The following GALNT18 variants were observed in gnomAD, a reference collection of about 807,000 sequenced individuals.
GALNT18 encodes the protein polypeptide N-acetylgalactosaminyltransferase 18.
In GALNT18, 44 loss-of-function variants were observed where a neutral mutation model predicts 69.5. The observed-to-expected ratio is 0.63, with a 90% CI of 0.50 to 0.81. The LOEUF (loss-of-function observed/expected upper bound fraction) is 0.81. Among genes scored for constraint, GALNT18 ranks in the 40% least tolerant of loss-of-function variants. GALNT18 has a pLI of 0.00. For missense variants in GALNT18, 715 were observed against 810.0 expected, an observed-to-expected ratio of 0.88 and a Z score of 1.42; for synonymous variants, 364 against 318.2, an observed-to-expected ratio of 1.14 and a Z score of -1.53.
chr11:11,592,233 T>C lies in GALNT18; in HGVS notation c.235+29126A>G, dbSNP rs1859375434. Reference sequence around the variant, plus strand: ...CAGGCGTTTTTCTATTTAATGACTCTAAAGAGACAGAAAAGCTTTAATCAA... The same window carrying C: ...CAGGCGTTTTTCTATTTAATGACTCCAAAGAGACAGAAAAGCTTTAATCAA... On this transcript the variant is annotated intron_variant, in intron 1 of 10. Transcript: ENST00000227756. The surrounding 1 kb of genome is among the most constrained non-coding windows in gnomAD (Gnocchi z 5.9). 6.6e-6 allele frequency among the ~76,000 whole-genome samples: 1 copy of C among 152,096 alleles called. No individual in the cohort carries two copies. Among genetic ancestry groups the C allele is most frequent in the African/African-American group, 2.4e-5 (1 of 41,404 alleles).
chr11:11,462,407 G>A (rs532569706), intron 1 of GALNT18, among the ~76,000 whole-genome samples: 38 of 151,702 alleles, frequency 2.5e-4, no homozygotes, highest in Non-Finnish European at 4.4e-4. Context: ...CTCCCTTGTA[G>A]CTGCGGTTAC....
chr11:11,417,983 T>G (rs1854904173), intron 3 of GALNT18, among the ~76,000 whole-genome samples: 1 of 152,270 alleles, frequency 6.6e-6, no homozygotes, highest in African/African-American at 2.4e-5. Flanking sequence ...TGTATTCACT[T>G]AGGTTAATAT....
Position 11,337,871 on chromosome 11 carries a change from C to A in GALNT18, c.1278+2948G>T, listed in dbSNP as rs1564900073. Among the ~76,000 whole-genome samples the A allele has an allele frequency of 6.6e-6, 1 of 151,726 alleles. No homozygotes were observed. The highest frequency in any genetic ancestry group is 2.4e-5 in the African/African-American group (1 of 41,264). ...AAATACAGGCAGTGGGGTTAAAATA[C>A]AGGCAGAGGAGAAAGCATGGGAACT... On this transcript the variant is annotated intron_variant, in intron 7 of 10. Coordinates refer to ENST00000227756, the MANE Select transcript of GALNT18 (RefSeq NM_198516.3). The surrounding 1 kb of genome is among the most constrained non-coding windows in gnomAD (Gnocchi z 4.9).
intron 9 of GALNT18, among the ~76,000 whole-genome samples, chr11:11,321,093 C>T (rs567959894): frequency 7.9e-5 from 12 of 152,192 alleles, no homozygotes; most frequent in Non-Finnish European, 1.3e-4. Flanking sequence ...TCCCAGCATT[C>T]CTGGCAAGCA....
In GALNT18 at chr11:11,271,210, C is replaced by T. The variant is rs1848819120; in HGVS notation, c.1758G>A (p.Leu586=). ...GCTGGCCCGAGCACTTCTGCAACAC[C>T]AGCTGGAAGCCGAACTCCAGGTCGC... The part of the protein sequence containing the change: ...ENSDLEFGFQ[L]VLQKCSGQHW... The change falls in exon 11 of 11, where the codon CTG becomes CTA. Residue 586 remains leucine (L), a synonymous_variant. Transcript: ENST00000227756. 1.9e-6 allele frequency: 3 copies of T among 1,614,122 alleles called. No homozygotes were observed. The highest frequency in any genetic ancestry group is 3.3e-5 in the Admixed American group (2 of 60,022).
chr11:11,335,537 T>C (rs150761231), intron 7 of GALNT18, among the ~76,000 whole-genome samples: 2 of 152,298 alleles, frequency 1.3e-5, no homozygotes, highest in East Asian at 3.9e-4. Context: ...GTGAGTTGAA[T>C]TGTGGCCTCC....
At position 11,352,926 on chromosome 11, in the gene GALNT18, A is replaced by G. The variant is rs761109122; in HGVS notation, c.1093-11922T>C. 1.6e-5 allele frequency: 26 copies of G among 1,613,938 alleles called. No individual in the cohort carries two copies. In the East Asian group the frequency reaches 5.6e-4, roughly 35 times the overall value. ...TACTGGCTTGAGAATTTTAACAACA[A>G]CTTTTTCATTATTTGTGATGTTGAT... On this transcript the variant is annotated intron_variant, in intron 6 of 10. Coordinates refer to ENST00000227756, the MANE Select transcript of GALNT18 (RefSeq NM_198516.3).
rs1216116012 is a variant in GALNT18 at position 11,309,169 on chromosome 11, A to C, written c.1513-15976T>G. Among the ~76,000 whole-genome samples the C allele has an allele frequency of 2.0e-5, 3 of 152,162 alleles. No homozygotes were observed. The highest frequency in any genetic ancestry group is 4.4e-5 in the Non-Finnish European group (3 of 68,032). On this transcript the variant is annotated intron_variant, in intron 9 of 10. Transcript: ENST00000227756. The surrounding 1 kb of genome is among the most constrained non-coding windows in gnomAD (Gnocchi z 4.6). ...AAAGGACAAGTTTAGTCCCCTCTCT[A>C]GCCCTTCTTTCTACACTTCCACCAT...
In GALNT18 at chr11:11,586,532, T is replaced by G. The variant is rs1209947903; in HGVS notation, c.235+34827A>C. ...AGCCCCAGTTTCAGCCTCTGTGAAG[T>G]GAGATCTTCCCTGTTGACAGGCAGA... On this transcript the variant is annotated intron_variant, in intron 1 of 10. Transcript: ENST00000227756. This position sits in a 1 kb window ranked among gnomAD's most constrained non-coding sequence, Gnocchi z 4.1. Among the ~76,000 whole-genome samples, 1 of 152,268 alleles carries G rather than the reference T, an allele frequency of 6.6e-6. No individual in the cohort carries two copies. Among genetic ancestry groups the G allele is most frequent in the East Asian group, 1.9e-4 (1 of 5,186 alleles).
At chr11:11,527,563 A>G (rs1857549628) in intron 1 of GALNT18, among the ~76,000 whole-genome samples, 2 of 152,256 alleles carry the variant, frequency 1.3e-5, no homozygotes, top group Non-Finnish European at 2.9e-5. Context: ...AATTAGAGGT[A>G]CCAAGCCATG....
At chr11:11,307,967 C>CA (rs1423389620) in intron 9 of GALNT18, among the ~76,000 whole-genome samples, 2 of 152,196 alleles carry the variant, frequency 1.3e-5, no homozygotes, top group African/African-American at 4.8e-5. Context: ...AGCTGGGGGC[C>CA]AGGGGTGACC....
In GALNT18 at chr11:11,341,303, T is replaced by G. The variant is rs1204201265; in HGVS notation, c.1093-299A>C. Among the ~76,000 whole-genome samples the G allele has an allele frequency of 6.6e-6, 1 of 152,190 alleles. No homozygotes were observed. Among genetic ancestry groups the G allele is most frequent in the Admixed American group, 6.5e-5 (1 of 15,286 alleles). ...CCCCACCAAAAAAAGAGACCAGACA[T>G]TTTGTTCCAAAGATCTGAATTCTCC... On this transcript the variant is annotated intron_variant, in intron 6 of 10. Transcript: ENST00000227756. The surrounding 1 kb of genome is among the most constrained non-coding windows in gnomAD (Gnocchi z 6.3).
At chr11:11,274,589 T>G (rs183710729) in intron 10 of GALNT18, among the ~76,000 whole-genome samples, 1 of 152,304 alleles carries the variant, frequency 6.6e-6, no homozygotes, top group Admixed American at 6.5e-5. Flanking sequence ...CTGAGGTACA[T>G]GTGCAGAATG....
rs1004871011 is a variant in GALNT18 at position 11,586,860 on chromosome 11, C to T, written c.235+34499G>A. Among the ~76,000 whole-genome samples, 4 of 151,760 alleles carry T rather than the reference C, an allele frequency of 2.6e-5. No individual in the cohort carries two copies. The highest frequency in any genetic ancestry group is 9.7e-5 in the African/African-American group (4 of 41,280). ...AAAAAAAGCCAGGTGTGGTGGCGGGCGTCTGTAATCCCAGCTACTCAGGAG... is the reference window on the plus strand; with the variant it reads ...AAAAAAAGCCAGGTGTGGTGGCGGGTGTCTGTAATCCCAGCTACTCAGGAG... On this transcript the variant is annotated intron_variant, in intron 1 of 10. Transcript: ENST00000227756. This position sits in a 1 kb window ranked among gnomAD's most constrained non-coding sequence, Gnocchi z 4.1.
Position 11,590,831 on chromosome 11 carries a change from C to A in GALNT18, c.235+30528G>T, listed in dbSNP as rs571255565. Among the ~76,000 whole-genome samples, 1 of 152,246 alleles carries A rather than the reference C, an allele frequency of 6.6e-6. No individual in the cohort carries two copies. Among genetic ancestry groups the A allele is most frequent in the African/African-American group, 2.4e-5 (1 of 41,524 alleles). On this transcript the variant is annotated intron_variant, in intron 1 of 10. Coordinates refer to ENST00000227756, the MANE Select transcript of GALNT18 (RefSeq NM_198516.3). The surrounding 1 kb of genome is among the most constrained non-coding windows in gnomAD (Gnocchi z 4.4). ...TTGTGGTGATGCTTATGTAAACAAA[C>A]CTACCGCACTACCGGTCATATAAAA...
chr11:11,291,665 C>T (rs1428634927), intron 10 of GALNT18, among the ~76,000 whole-genome samples: 2 of 152,176 alleles, frequency 1.3e-5, no homozygotes, highest in Non-Finnish European at 2.9e-5. Flanking sequence ...CCTGCATCCT[C>T]CACCTGCCCT....
intron 9 of GALNT18, among the ~76,000 whole-genome samples, chr11:11,310,855 C>G (rs955481143): frequency 2.6e-5 from 4 of 152,188 alleles, no homozygotes; most frequent in Non-Finnish European, 5.9e-5. Context: ...CATTTATGCC[C>G]GTGATATATT....
At chr11:11,434,957 A>G (rs990072325) in intron 2 of GALNT18, among the ~76,000 whole-genome samples, 5 of 152,234 alleles carry the variant, frequency 3.3e-5, no homozygotes, top group African/African-American at 1.2e-4. Flanking sequence ...ATGGAAACTG[A>G]CAGAGATGAG....
At chr11:11,321,484 T>C (rs1166246416) in intron 9 of GALNT18, among the ~76,000 whole-genome samples, 2 of 152,238 alleles carry the variant, frequency 1.3e-5, no homozygotes, top group South Asian at 2.1e-4. Context: ...TGCAATTGTG[T>C]AGCAAGACAA....
Sources: allele counts gnomAD v4.1 joint callset (sites outside exome capture counted in the v4.1 genomes callset), GRCh38; gene constraint gnomAD v4.1.1; non-coding constraint Gnocchi (gnomAD v3.1); transcripts MANE v1.5; gene names NCBI Gene and HGNC (gene_info 2026-07-23, HGNC 2026-07-21).